TRPS1: variants seen among roughly 807,000 people sequenced by gnomAD.
TRPS1 encodes the protein zinc finger transcription factor Trps1.
A neutral mutation model predicts 101.2 loss-of-function variants in TRPS1; 6 were observed. That is an observed-to-expected ratio of 0.06 (90% CI 0.03 to 0.12). The LOEUF is 0.12. TRPS1 is among the 10% of genes least tolerant of loss of function. The probability of loss-of-function intolerance (pLI) is 1.00; values close to 1 mark genes in which losing one functional copy is unlikely to be tolerated. For synonymous variants in TRPS1, 578 were observed against 589.8 expected (o/e 0.98, Z 0.29); for missense variants, 1,363 against 1,567.0 (o/e 0.87, Z 2.20).
intron 5 of TRPS1, among the ~76,000 whole-genome samples, chr8:115,503,956 T>C (rs1335198137): frequency 1.3e-5 from 2 of 152,242 alleles, no homozygotes; most frequent in Non-Finnish European, 2.9e-5. Context: ...TACATATTTT[T>C]CCAAGGGCAC....
chr8:115,648,220 A>G (rs1811466249), intron 1 of TRPS1, among the ~76,000 whole-genome samples: 1 of 152,126 alleles, frequency 6.6e-6, no homozygotes, highest in Admixed American at 6.5e-5. Flanking sequence ...GCGACAGGGC[A>G]GAGGGAGTGG....
intron 5 of TRPS1, among the ~76,000 whole-genome samples, chr8:115,488,333 C>T (rs182667072): frequency 1.8e-4 from 28 of 152,220 alleles, no homozygotes; most frequent in African/African-American, 6.0e-4. Context: ...TTTTGATACT[C>T]ATTTTATTGC....
chr8:115,414,299 A>G lies in TRPS1; in HGVS notation c.3609T>C (p.Asn1203=). The G allele has an allele frequency of 6.2e-7, 1 of 1,613,798 alleles. No homozygotes were observed. Among genetic ancestry groups the G allele is most frequent in the South Asian group, 1.1e-5 (1 of 91,064 alleles). Residue 1203 remains asparagine, a synonymous_variant, in exon 7 of 7, where the codon AAT becomes AAC. Transcript: ENST00000395715. This position sits in a 1 kb window ranked among gnomAD's most constrained non-coding sequence, Gnocchi z 4.8. ...ASKEKTKAPP[N]VKNEGPLNVV... is the part of the protein sequence containing the mutation. ...CATTCAAGGGACCTTCATTTTTTACATTTGGTGGTGCCTTCGTTTTCTCCT... is the reference window on the plus strand; with the variant it reads ...CATTCAAGGGACCTTCATTTTTTACGTTTGGTGGTGCCTTCGTTTTCTCCT...
chr8:115,630,986 T>A (rs1818628008), intron 1 of TRPS1, among the ~76,000 whole-genome samples: 1 of 152,104 alleles, frequency 6.6e-6, no homozygotes, highest in African/African-American at 2.4e-5. Flanking sequence ...TTTGTCTGCC[T>A]CTATAGTTAC....
intron 5 of TRPS1, among the ~76,000 whole-genome samples, chr8:115,508,559 C>T (rs774627616): frequency 1.3e-4 from 19 of 151,984 alleles, no homozygotes; most frequent in Admixed American, 3.3e-4. Context: ...TTGCTTTCCT[C>T]GATCATCTGA....
chr8:115,465,214 C>T (rs1198459674), intron 5 of TRPS1, among the ~76,000 whole-genome samples: 1 of 151,986 alleles, frequency 6.6e-6, no homozygotes, highest in Non-Finnish European at 1.5e-5. Context: ...ATTATAATTG[C>T]TGTTTTGTTG....
chr8:115,551,756 A>G (rs1426107571), intron 5 of TRPS1, among the ~76,000 whole-genome samples: 2 of 152,244 alleles, frequency 1.3e-5, no homozygotes, highest in Non-Finnish European at 2.9e-5. Flanking sequence ...GATTACATGG[A>G]ATAAAATTGG....
intron 3 of TRPS1, among the ~76,000 whole-genome samples, chr8:115,618,385 C>T (rs1818316178): frequency 1.3e-5 from 2 of 151,906 alleles, no homozygotes; most frequent in South Asian, 4.1e-4. Flanking sequence ...TTTCTTTTTT[C>T]CATTTCACAT....
intron 1 of TRPS1, among the ~76,000 whole-genome samples, chr8:115,662,033 T>C (rs1811809844): frequency 6.6e-6 from 1 of 152,084 alleles, no homozygotes; most frequent in Admixed American, 6.6e-5. Flanking sequence ...AAACTTGCAC[T>C]ATGCTGATGT....
intron 2 of TRPS1, among the ~76,000 whole-genome samples, chr8:115,623,036 T>G (rs1818431513): frequency 1.3e-5 from 2 of 152,118 alleles, no homozygotes; most frequent in Non-Finnish European, 2.9e-5. Flanking sequence ...GGGTCATAGT[T>G]TAAAGACTAC....
At chr8:115,485,239 G>A (rs927200998) in intron 5 of TRPS1, among the ~76,000 whole-genome samples, 4 of 152,224 alleles carry the variant, frequency 2.6e-5, no homozygotes, top group African/African-American at 9.6e-5. Context: ...GGGCTTGACA[G>A]TGGTCTCCGG....
At chr8:115,576,714 T>G (rs1314085451) in intron 5 of TRPS1, among the ~76,000 whole-genome samples, 1 of 152,138 alleles carries the variant, frequency 6.6e-6, no homozygotes, top group East Asian at 1.9e-4. Flanking sequence ...CAGAGTTAAA[T>G]GTGGAGCATA....
At chr8:115,581,536 T>TA (rs879512557) in intron 5 of TRPS1, among the ~76,000 whole-genome samples, 15 of 150,742 alleles carry the variant, frequency 1.0e-4, no homozygotes, top group East Asian at 1.9e-4. Context: ...GTGTGTGCAT[T>TA]AAAAAAAAAG....
intron 5 of TRPS1, among the ~76,000 whole-genome samples, chr8:115,553,740 T>C (rs1586396015): frequency 6.6e-6 from 1 of 152,174 alleles, no homozygotes; most frequent in Non-Finnish European, 1.5e-5. Context: ...TTAGAAACTT[T>C]CATTGCTCTT....
intron 5 of TRPS1, among the ~76,000 whole-genome samples, chr8:115,507,165 T>C (rs570744093): frequency 6.6e-6 from 1 of 152,180 alleles, no homozygotes; most frequent in East Asian, 1.9e-4. Flanking sequence ...GAATACTGTA[T>C]GGATCAAAGA....
chr8:115,500,911 A>T (rs1322047370), intron 5 of TRPS1, among the ~76,000 whole-genome samples: 1 of 152,166 alleles, frequency 6.6e-6, no homozygotes, highest in Non-Finnish European at 1.5e-5. Context: ...CAGCGATGGC[A>T]TCTATTCTTG....
At chr8:115,460,094 ATC>A (rs1484052679) in intron 5 of TRPS1, among the ~76,000 whole-genome samples, 1 of 152,112 alleles carries the variant, frequency 6.6e-6, no homozygotes, top group Non-Finnish European at 1.5e-5. Flanking sequence ...TTAGGGAGGA[ATC>A]TCTCTCTTTT....
chr8:115,426,373 G>A (rs908429437), intron 5 of TRPS1, among the ~76,000 whole-genome samples: 5 of 151,988 alleles, frequency 3.3e-5, no homozygotes, highest in African/African-American at 9.7e-5. Context: ...AAATATCAGC[G>A]ATGAAGACCT....
At chr8:115,458,683 G>A (rs535806302) in intron 5 of TRPS1, among the ~76,000 whole-genome samples, 4 of 152,280 alleles carry the variant, frequency 2.6e-5, no homozygotes, top group East Asian at 1.9e-4. Flanking sequence ...CTAGTATGGC[G>A]TCCAGCACCA....
Sources: gnomAD v4.1 joint callset for allele counts (sites outside exome capture counted in the v4.1 genomes callset) on GRCh38, gnomAD v4.1.1 for gene constraint, Gnocchi (gnomAD v3.1) non-coding constraint, MANE v1.5 for transcripts, NCBI Gene and HGNC (gene_info 2026-07-23, HGNC 2026-07-21) for gene names.